Variants in MEIS3 observed in about 807,000 individuals in gnomAD.
MEIS3 encodes Meis homeobox 3.
A neutral mutation model predicts 51.4 loss-of-function variants in MEIS3; 38 were observed. That is an observed-to-expected ratio of 0.74 (90% CI 0.57 to 0.97). The LOEUF is 0.97. Among genes scored for constraint, MEIS3 ranks in the 50% least tolerant of loss-of-function variants. The probability of loss-of-function intolerance (pLI) is 0.00; values close to 1 mark genes in which losing one functional copy is unlikely to be tolerated. For synonymous variants in MEIS3, 198 were observed against 201.8 expected (o/e 0.98, Z 0.16); for missense variants, 456 against 502.6 (o/e 0.91, Z 0.89).
upstream of MEIS3, among the ~76,000 whole-genome samples, chr19:47,420,892 G>GCTCTCT (rs147025798): frequency 3.1e-4 from 34 of 108,308 alleles, no homozygotes; most frequent in Non-Finnish European, 5.1e-4. Flanking sequence ...TCTGTCTCTC[G>GCTCTCT]CTCTCTCTCT....
chr19:47,410,881 G>A (rs1465491310), intron 6 of MEIS3, among the ~76,000 whole-genome samples: 1 of 152,212 alleles, frequency 6.6e-6, no homozygotes, highest in Non-Finnish European at 1.5e-5. Flanking sequence ...ACAGGTCTAT[G>A]GCATCTTATC....
chr19:47,416,902 G>T lies in MEIS3; in HGVS notation c.247C>A (p.Pro83Thr). The T allele has an allele frequency of 6.2e-7, 1 of 1,613,180 alleles. No individual in the cohort carries two copies. The highest frequency in any genetic ancestry group is 8.5e-7 in the Non-Finnish European group (1 of 1,179,624). The change falls in exon 3 of 13, where the codon CCC (proline) becomes ACC (threonine). Residue 83 changes from proline (P) to threonine (T), a missense_variant. Physicochemically the swap from Pro to Thr is conservative, Grantham distance 38 (BLOSUM62 -1). Coordinates refer to ENST00000558555, the MANE Select transcript of MEIS3 (RefSeq NM_001301059.2). ...AGCCCAGCTCCGGCCCCGTCACGGG[G>T]AGAGCATGTAGCCAGTTCACATTTC... is the stretch of plus-strand genomic sequence containing the variant. ...FEKCELATCS[P>T]RDGAGAGLGT...
intron 4 of MEIS3, among the ~76,000 whole-genome samples, chr19:47,415,723 A>G (rs1411662001): frequency 2.0e-5 from 3 of 151,398 alleles, no homozygotes; most frequent in Non-Finnish European, 4.4e-5. Context: ...ACAGGCGTGC[A>G]CCACTGTGCC....
intron 8 of MEIS3, among the ~76,000 whole-genome samples, chr19:47,408,385 G>A (rs1417164279): frequency 2.6e-5 from 4 of 152,078 alleles, no homozygotes; most frequent in Admixed American, 2.0e-4. Context: ...GCCTCCGAAA[G>A]TGCTGGGATT....
chr19:47,406,620 C>G (rs967952154), intron 11 of MEIS3, 94 bp from the exon 12 acceptor site: 3 of 1,249,482 alleles, frequency 2.4e-6, no homozygotes, highest in Non-Finnish European at 3.5e-6. Context: ...ACCAGGGGAT[C>G]CCTCTACCAG....
At chr19:47,420,547 C>A (rs964715621), upstream of MEIS3, among the ~76,000 whole-genome samples, 7 of 136,358 alleles carry the variant, frequency 5.1e-5, no homozygotes, top group African/African-American at 2.0e-4. Context: ...CAGAGACAGA[C>A]GCGGGTGGGA....
intron 7 of MEIS3, 36 bp from the exon 8 acceptor site, chr19:47,409,283 TGAA>T (rs2122497142): frequency 6.3e-7 from 1 of 1,593,514 alleles, no homozygotes; most frequent in Non-Finnish European, 8.5e-7. Context: ...GTGTGGGTAG[TGAA>T]GAGTGGAGGA....
rs1210276094 is a variant in MEIS3, at chr19:47,406,917, G to A, written c.1049C>T (p.Thr350Met). The change falls in exon 11 of 13, where the codon ACG (threonine) becomes ATG (methionine). Residue 350 changes from threonine to methionine, a missense_variant. Transcript: ENST00000558555. Reference protein sequence around the residue: ...EGQPIGGYTETQPHVAVRPPG... With the variant: ...EGQPIGGYTEMQPHVAVRPPG... ...AGGCCGGACGGCCACGTGTGGCTGC[G>A]TCTCGGTATAGCCCCCGATGGGCTG... The A allele has an allele frequency of 1.9e-6, 3 of 1,579,102 alleles. No homozygotes were observed. Among genetic ancestry groups the A allele is most frequent in the Non-Finnish European group, 1.7e-6 (2 of 1,164,390 alleles).
chr19:47,417,230 G>T lies in MEIS3; in HGVS notation c.133C>A (p.Pro45Thr). 1.3e-6 allele frequency: 2 copies of T among 1,592,902 alleles called. No individual in the cohort carries two copies. The highest frequency in any genetic ancestry group is 1.7e-6 in the Non-Finnish European group (2 of 1,170,730). Residue 45 changes from proline (P) to threonine (T), a missense_variant, in exon 2 of 13, where the codon CCC (proline) becomes ACC (threonine). Coordinates refer to ENST00000558555, the MANE Select transcript of MEIS3 (RefSeq NM_001301059.2). Reference sequence around the variant, plus strand: ...AGGCCGTCGCTGTCCAAGCCTGGGGGCAGGGGCTGGGGAGGCCGGTGCGGG... The same window carrying T: ...AGGCCGTCGCTGTCCAAGCCTGGGGTCAGGGGCTGGGGAGGCCGGTGCGGG... ...YGPHRPPQPL[P>T]PGLDSDGLKR...
At chr19:47,415,475 G>T (rs1284754873) in intron 4 of MEIS3, among the ~76,000 whole-genome samples, 1 of 151,832 alleles carries the variant, frequency 6.6e-6, no homozygotes. Context: ...CAGAACACTT[G>T]CCAAAGGGTT....
intron 6 of MEIS3, among the ~76,000 whole-genome samples, chr19:47,413,613 G>C (rs1391981380): frequency 1.3e-5 from 2 of 151,792 alleles, no homozygotes; most frequent in Admixed American, 1.3e-4. Context: ...TGGCAAGTCG[G>C]GATCCACACG....
upstream of MEIS3, among the ~76,000 whole-genome samples, chr19:47,421,991 C>T (rs1174846969): frequency 2.0e-5 from 3 of 151,986 alleles, no homozygotes; most frequent in Non-Finnish European, 4.4e-5. Flanking sequence ...TCGCCCCCTT[C>T]CCGTCCTCCC....
chr19:47,408,763 T>C (rs1437888336), intron 8 of MEIS3, among the ~76,000 whole-genome samples: 1 of 152,136 alleles, frequency 6.6e-6, no homozygotes, highest in Non-Finnish European at 1.5e-5. Context: ...ACCTCTCTGT[T>C]CCTCAGTCTC....
rs145236300 is a variant in MEIS3, at chr19:47,414,851, C to A, written c.463G>T (p.Asp155Tyr). 6.2e-7 allele frequency: 1 copy of A among 1,608,098 alleles called. No homozygotes were observed. Among genetic ancestry groups the A allele is most frequent in the Admixed American group, 1.7e-5 (1 of 59,438 alleles). ...LELEKVHDLCDNFCHRYITCL... is the reference protein window; with the variant it reads ...LELEKVHDLCYNFCHRYITCL... The stretch of plus-strand genomic sequence containing the variant: ...GTGATGTAGCGGTGACAGAAGTTGT[C>A]GCACAGGTCGTGGACCTGGGGGGGC... The change falls in exon 6 of 13, where the codon GAC (aspartate) becomes TAC (tyrosine). Residue 155 changes from aspartate (D) to tyrosine (Y), a missense_variant. Coordinates refer to ENST00000558555, the MANE Select transcript of MEIS3 (RefSeq NM_001301059.2).
intron 6 of MEIS3, 41 bp downstream of exon 6, chr19:47,414,676 T>G: frequency 6.4e-7 from 1 of 1,551,924 alleles, no homozygotes; most frequent in Non-Finnish European, 8.7e-7. Context: ...CAGGCACAGC[T>G]GTGGCTGCAG....
rs910956969 is a variant in MEIS3, at chr19:47,403,185, G to T, written c.*386C>A. 3.7e-6 allele frequency: 1 copy of T among 268,538 alleles called. No individual in the cohort carries two copies. Among genetic ancestry groups the T allele is most frequent in the Admixed American group, 5.1e-5 (1 of 19,714 alleles). The allele number at this position is 268,538 out of a possible 1,614,324, so 16.6% of individuals were successfully genotyped here. A position where few individuals can be genotyped will look rare whatever the true frequency, so the allele number is the denominator to read the frequency against. ...GAAATTAGAGAAGGGAGGTAGGGGGGACAGGAGAGTGAAGGAATCTCTCCA... is the reference window on the plus strand; with the variant it reads ...GAAATTAGAGAAGGGAGGTAGGGGGTACAGGAGAGTGAAGGAATCTCTCCA... On this transcript the variant is annotated 3_prime_UTR_variant, in exon 13 of 13. Coordinates refer to ENST00000558555, the MANE Select transcript of MEIS3 (RefSeq NM_001301059.2).
chr19:47,406,329 ATCAAGCC>A (rs967479143), intron 12 of MEIS3, 124 bp downstream of exon 12: 25 of 635,574 alleles, frequency 3.9e-5, no homozygotes, highest in South Asian at 2.7e-4. Flanking sequence ...ATATCTTCCC[ATCAAGCC>A]TCAGAGAACC....
chr19:47,405,875 G>A (rs1970790914), intron 12 of MEIS3: 1 of 152,276 alleles, frequency 6.6e-6, no homozygotes, highest in Admixed American at 6.6e-5. Context: ...GTTTGGAGAT[G>A]TATCATAGAT....
upstream of MEIS3, among the ~76,000 whole-genome samples, chr19:47,420,810 G>C (rs368316035): frequency 6.6e-6 from 1 of 151,492 alleles, no homozygotes; most frequent in African/African-American, 2.4e-5. Context: ...GGGAGCAGGG[G>C]GGAGGCTCCG....
Sources: gnomAD v4.1 joint callset for allele counts (sites outside exome capture counted in the v4.1 genomes callset) on GRCh38, gnomAD v4.1.1 for gene constraint, MANE v1.5 for transcripts, NCBI Gene and HGNC (gene_info 2026-07-23, HGNC 2026-07-21) for gene names.